The following RBM19 variants were observed in gnomAD, a reference collection of about 807,000 sequenced individuals.
The protein encoded by RBM19 is probable RNA-binding protein 19.
In RBM19, 94 loss-of-function variants were observed where a neutral mutation model predicts 116.8. The ratio of observed to expected loss-of-function variants is 0.80; its 90% CI spans 0.68 to 0.95. The LOEUF is 0.95. RBM19 is among the 40% of genes least tolerant of loss of function. The probability of loss-of-function intolerance (pLI) is 0.00; values close to 1 mark genes in which losing one functional copy is unlikely to be tolerated. For missense variants in RBM19, 1,161 were observed against 1,220.7 expected (o/e 0.95, Z 0.73); for synonymous variants, 475 against 494.1 (o/e 0.96, Z 0.51).
chr12:113,916,931 G>T (rs935614209), intron 20 of RBM19, among the ~76,000 whole-genome samples: 1 of 152,174 alleles, frequency 6.6e-6, no homozygotes, highest in Non-Finnish European at 1.5e-5. Flanking sequence ...TAAGTTCTGG[G>T]ATACTTTGTG....
At chr12:113,935,612 C>G (rs535488853) in intron 16 of RBM19, among the ~76,000 whole-genome samples, 1 of 152,214 alleles carries the variant, frequency 6.6e-6, no homozygotes, top group Admixed American at 6.5e-5. Context: ...CTGATTGAAA[C>G]AGGCCTCCAG....
intron 21 of RBM19, among the ~76,000 whole-genome samples, chr12:113,891,378 C>T (rs144760682): frequency 2.0e-5 from 3 of 152,296 alleles, no homozygotes; most frequent in East Asian, 3.9e-4. Context: ...CCAGGGAGTA[C>T]AAAGAGTGTG....
At chr12:113,899,725 G>A (rs1330901591) in intron 21 of RBM19, among the ~76,000 whole-genome samples, 1 of 152,154 alleles carries the variant, frequency 6.6e-6, no homozygotes, top group Non-Finnish European at 1.5e-5. Context: ...TCCCTTTTCC[G>A]TGGAAAACTC....
chr12:113,953,413 G>A (rs924583234), intron 7 of RBM19, among the ~76,000 whole-genome samples: 4 of 152,262 alleles, frequency 2.6e-5, no homozygotes, highest in Middle Eastern at 3.4e-3. Flanking sequence ...ACTTGAACCC[G>A]GGAGGCGGAG....
chr12:113,930,949 T>C (rs998528501), intron 16 of RBM19, among the ~76,000 whole-genome samples: 1 of 151,982 alleles, frequency 6.6e-6, no homozygotes, highest in Non-Finnish European at 1.5e-5. Flanking sequence ...CCCTTACCTA[T>C]AAAATAGAGC....
In RBM19 at chr12:113,945,814, C is replaced by T. The variant is rs372137546; in HGVS notation, c.1626+14G>A. ...GGCCCAGATCCCAGAGAGGACTGGT[C>T]GGCCCTTACTCACGTGGTCAAACAC... On this transcript the variant is annotated intron_variant, in intron 13 of 23. Transcript: ENST00000261741. 1,195 of 1,526,858 alleles carry T rather than the reference C, an allele frequency of 7.8e-4. 1 individual carries two copies. The highest frequency in any genetic ancestry group is 1.7e-3 in the Middle Eastern group (10 of 5,868). The allele number at this position is 1,526,858 out of a possible 1,614,324, so 94.6% of individuals were successfully genotyped here.
At chr12:113,932,432 G>T (rs1040116771) in intron 16 of RBM19, 5 of 152,232 alleles carry the variant, frequency 3.3e-5, no homozygotes, top group African/African-American at 1.2e-4. Context: ...CCTAACCCTG[G>T]GAGAGATAAG....
At chr12:113,949,169 C>G in intron 9 of RBM19, 133 bp from the exon 10 acceptor site, 1 of 799,198 alleles carries the variant, frequency 1.3e-6, no homozygotes, top group Non-Finnish European at 2.0e-6. Context: ...GCACCCAACA[C>G]CTGCCCTGTC....
chr12:113,863,085 G>A (rs1383372273), intron 21 of RBM19, among the ~76,000 whole-genome samples: 1 of 150,970 alleles, frequency 6.6e-6, no homozygotes, highest in Non-Finnish European at 1.5e-5. Flanking sequence ...GAGGAGGGGG[G>A]AGGAGGTGGG....
chr12:113,952,544 C>T lies in RBM19; in HGVS notation c.968G>A (p.Arg323Gln), dbSNP rs765861178. 61 of 1,613,854 alleles carry T rather than the reference C, an allele frequency of 3.8e-5. No homozygotes were observed. The highest frequency in any genetic ancestry group is 1.7e-4 in the Admixed American group (10 of 60,002). The change falls in exon 8 of 24, where the codon CGA becomes CAA. Residue 323 changes from arginine (R) to glutamine (Q), a missense_variant. Physicochemically the swap from Arg to Gln is conservative, Grantham distance 43 (BLOSUM62 1). Transcript: ENST00000261741. Reference protein sequence around the residue: ...FLAPLKPVAIRIVRNAHGNKT... With the variant: ...FLAPLKPVAIQIVRNAHGNKT... ...ATTCCCATGAGCGTTTCTCACAATT[C>T]GAATGGCCACTGGTTTCAGGGGTGC...
In RBM19 at chr12:113,828,861, G is replaced by A. The variant is rs76695044; in HGVS notation, c.2786-5540C>T. On this transcript the variant is annotated intron_variant, in intron 23 of 23. Transcript: ENST00000261741. The stretch of plus-strand genomic sequence containing the variant: ...CGGGCAGAGCTCTCCTACCCAGATA[G>A]GTCTGCATCTCAGGGCTCTGTGTAC... 3.1e-3 allele frequency among the ~76,000 whole-genome samples: 475 copies of A among 152,304 alleles called. 7 individuals are homozygous for A. Among genetic ancestry groups the A allele is most frequent in the African/African-American group, 0.011 (447 of 41,562 alleles).
At chr12:113,847,786 C>G (rs953783793) in intron 22 of RBM19, among the ~76,000 whole-genome samples, 25 of 152,224 alleles carry the variant, frequency 1.6e-4, no homozygotes, top group African/African-American at 6.0e-4. Flanking sequence ...GAAGCCAGTT[C>G]TCTATTCCCG....
At chr12:113,912,905 G>A (rs548820042) in intron 21 of RBM19, among the ~76,000 whole-genome samples, 66 of 152,234 alleles carry the variant, frequency 4.3e-4, no homozygotes, top group African/African-American at 1.5e-3. Context: ...TGTCTGCAAC[G>A]AGGAACTGCC....
At chr12:113,821,107 C>T (rs1029108874), downstream of RBM19, among the ~76,000 whole-genome samples, 1 of 152,180 alleles carries the variant, frequency 6.6e-6, no homozygotes, top group African/African-American at 2.4e-5. Context: ...AAGTCACTTG[C>T]CGAGGCTCAC....
chr12:113,919,397 C>T (rs376549715), intron 19 of RBM19, among the ~76,000 whole-genome samples: 7 of 152,300 alleles, frequency 4.6e-5, no homozygotes, highest in South Asian at 4.1e-4. Context: ...CGGTGAAACC[C>T]CGTCTCTACT....
At chr12:113,900,084 C>A (rs1258647525) in intron 21 of RBM19, among the ~76,000 whole-genome samples, 6 of 152,194 alleles carry the variant, frequency 3.9e-5, no homozygotes. Flanking sequence ...CTTTTGTCGC[C>A]CACTCTGGAA....
intron 16 of RBM19, among the ~76,000 whole-genome samples, chr12:113,932,347 T>C (rs1869679198): frequency 6.6e-6 from 1 of 152,220 alleles, no homozygotes; most frequent in South Asian, 2.1e-4. Context: ...GTTTCGTTCT[T>C]AATATTACCC....
chr12:113,836,021 T>G (rs1875852332), intron 23 of RBM19, among the ~76,000 whole-genome samples: 1 of 152,224 alleles, frequency 6.6e-6, no homozygotes, highest in South Asian at 2.1e-4. Context: ...CCCTGAAAGC[T>G]TCTCGATGCC....
chr12:113,926,948 T>C, intron 17 of RBM19, 106 bp downstream of exon 17: 1 of 1,311,768 alleles, frequency 7.6e-7, no homozygotes, highest in Non-Finnish European at 1.0e-6. Flanking sequence ...CCCAAGTGCA[T>C]ATTAACACGC....
Sources: gnomAD v4.1 joint callset for allele counts (sites outside exome capture counted in the v4.1 genomes callset) on GRCh38, gnomAD v4.1.1 for gene constraint, MANE v1.5 for transcripts, NCBI Gene and HGNC (gene_info 2026-07-23, HGNC 2026-07-21) for gene names.